PPM1M: variants seen among roughly 807,000 people sequenced by gnomAD.
PPM1M encodes the protein protein phosphatase 1M.
In PPM1M, 44 loss-of-function variants were observed where a neutral mutation model predicts 50.8. The observed-to-expected ratio is 0.87, with a 90% confidence interval of 0.68 to 1.11. The LOEUF (loss-of-function observed/expected upper bound fraction) is 1.11, where lower values mean the gene tolerates loss of function less well. Among genes scored for constraint, PPM1M ranks in the 50% most tolerant of loss-of-function variants. PPM1M has a pLI of 0.00. For missense variants in PPM1M, 556 were observed against 593.4 expected (o/e 0.94, Z 0.66); for synonymous variants, 224 against 242.9 (o/e 0.92, Z 0.72).
rs372806959 is a variant in PPM1M, at chr3:52,248,196, G to C, written c.754G>C (p.Glu252Gln). The C allele has an allele frequency of 1.2e-6, 2 of 1,613,338 alleles. No homozygotes were observed. Among genetic ancestry groups the C allele is most frequent in the African/African-American group, 1.3e-5 (1 of 74,892 alleles). Reference protein sequence around the residue: ...RRDEIRPLSFEFTPETERQRI... With the variant: ...RRDEIRPLSFQFTPETERQRI... Reference sequence around the variant, plus strand: ...AGATGAGATACGGCCACTGAGCTTCGAGTTCACCCCAGAGACTGAGCGGCA... The same window carrying C: ...AGATGAGATACGGCCACTGAGCTTCCAGTTCACCCCAGAGACTGAGCGGCA... Residue 252 changes from glutamate to glutamine, a missense_variant, in exon 5 of 10, where the codon GAG becomes CAG. Glu to Gln is a conservative substitution (Grantham distance 29). Coordinates refer to ENST00000323588, the MANE Select transcript of PPM1M (RefSeq NM_144641.4).
Position 52,247,694 on chromosome 3 carries a change from G to C in PPM1M, c.610G>C (p.Gly204Arg), listed in dbSNP as rs746343016. ...CGGTTTTCCCCAGGATGAGGTGATC[G>C]GGCGGGAGCTGGAGGCCTCAGGCCA... ...SAFQECDEVI[G>R]RELEASGQMG... Residue 204 changes from glycine (G) to arginine (R), a missense_variant, in exon 4 of 10, where the codon GGG becomes CGG. Gly to Arg is a moderately radical substitution (Grantham distance 125). Coordinates refer to ENST00000323588, the MANE Select transcript of PPM1M (RefSeq NM_144641.4). The C allele has an allele frequency of 6.2e-7, 1 of 1,600,518 alleles. No individual in the cohort carries two copies. Among genetic ancestry groups the C allele is most frequent in the Non-Finnish European group, 8.5e-7 (1 of 1,173,480 alleles).
intron 9 of PPM1M, 52 bp from the exon 10 acceptor site, chr3:52,249,618 C>A (rs769011179): frequency 3.1e-5 from 50 of 1,608,208 alleles, no homozygotes; most frequent in Non-Finnish European, 4.2e-5. Flanking sequence ...TAAGGTCTGG[C>A]CTTGCCCCTT....
rs1248345384 is a variant in PPM1M at position 52,247,771 on chromosome 3, C to T, written c.687C>T (p.Tyr229=). 6.4e-7 allele frequency: 1 copy of T among 1,554,706 alleles called. No individual in the cohort carries two copies. The highest frequency in any genetic ancestry group is 1.1e-5 in the South Asian group (1 of 88,496). Residue 229 remains tyrosine, a synonymous_variant, in exon 4 of 10, where the codon TAC becomes TAT. Coordinates refer to ENST00000323588, the MANE Select transcript of PPM1M (RefSeq NM_144641.4). ...LVAVSLQGKL[Y]MANAGDSRAI... is the part of the protein sequence containing the mutation. ...CTGTGTCCCTGCAGGGAAAGCTGTA[C>T]ATGGCCAATGCTGGGGATAGCAGGT...
At chr3:52,246,601 G>C in intron 1 of PPM1M, 94 bp from the exon 2 acceptor site, 1 of 748,754 alleles carries the variant, frequency 1.3e-6, no homozygotes, top group Non-Finnish European at 2.0e-6. Flanking sequence ...TTGCCCCAGA[G>C]GGAGGGGTCT....
Position 52,248,403 on chromosome 3 carries a change from G to A in PPM1M, c.864G>A (p.Gly288=), listed in dbSNP as rs748418034. ...TRLEFPRRLK[G]DDLGQKVLFR... ...TGGAGTTCCCTCGGCGGCTGAAGGG[G>A]GATGACTTGGGACAGAAGGTTTTGT... The change falls in exon 6 of 10, where the codon GGG becomes GGA. Residue 288 remains glycine, a synonymous_variant. Transcript: ENST00000323588. 13 of 1,613,830 alleles carry A rather than the reference G, an allele frequency of 8.1e-6. No individual in the cohort carries two copies. In the South Asian group the frequency reaches 1.2e-4, roughly 15 times the overall value.
Position 52,248,212 on chromosome 3 carries a change from C to CT in PPM1M, c.771dup (p.Glu258Ter). ...CTGAGCTTCGAGTTCACCCCAGAGACTGAGCGGCAGCGGATCCAGCAGCTG... is the reference window on the plus strand; with the variant it reads ...CTGAGCTTCGAGTTCACCCCAGAGACTTGAGCGGCAGCGGATCCAGCAGCTG... On this transcript the variant is annotated frameshift_variant, in exon 5 of 10. Coordinates refer to ENST00000323588, the MANE Select transcript of PPM1M (RefSeq NM_144641.4). LOFTEE classifies it high-confidence loss of function. 1.2e-6 allele frequency: 2 copies of CT among 1,613,568 alleles called. No individual in the cohort carries two copies. The highest frequency in any genetic ancestry group is 1.7e-6 in the Non-Finnish European group (2 of 1,179,718).
At position 52,245,799 on chromosome 3, in the gene PPM1M, C is replaced by T. The variant is rs1402238729; in HGVS notation, c.-26C>T. On this transcript the variant is annotated 5_prime_UTR_variant, in exon 1 of 10. Transcript: ENST00000323588. This position sits in a 1 kb window ranked among gnomAD's most constrained non-coding sequence, Gnocchi z 4.8. ...GGCCCAGCCCTAGCGCCCCGCGCTCCGCGGGCAGCCCCCTGCCGCCGCGCC... is the reference window on the plus strand; with the variant it reads ...GGCCCAGCCCTAGCGCCCCGCGCTCTGCGGGCAGCCCCCTGCCGCCGCGCC... 5 of 994,006 alleles carry T rather than the reference C, an allele frequency of 5.0e-6. No homozygotes were observed. The highest frequency in any genetic ancestry group is 5.1e-4 in the Middle Eastern group (1 of 1,964). 61.6% of individuals were successfully genotyped at this position (994,006 alleles called of 1,614,324 possible).
rs200280814 is a variant in PPM1M at position 52,248,720 on chromosome 3, C to G, written c.978+20C>G. The G allele has an allele frequency of 1.4e-5, 22 of 1,612,016 alleles. No homozygotes were observed. The Admixed American group carries it at 1.5e-4, about 11-fold the overall frequency. Reference sequence around the variant, plus strand: ...AGGCAGGTCAGTGCCTGGTCCTCCTCAACCCCAAGAATCCCTCTTCATTGT... The same window carrying G: ...AGGCAGGTCAGTGCCTGGTCCTCCTGAACCCCAAGAATCCCTCTTCATTGT... On this transcript the variant is annotated intron_variant, in intron 7 of 9. Coordinates refer to ENST00000323588, the MANE Select transcript of PPM1M (RefSeq NM_144641.4).
rs375591726 is a variant in PPM1M at position 52,248,470 on chromosome 3, G to T, written c.914+17G>T. 2.4e-5 allele frequency: 38 copies of T among 1,607,994 alleles called. No homozygotes were observed. The highest frequency in any genetic ancestry group is 3.0e-5 in the Non-Finnish European group (35 of 1,175,148). On this transcript the variant is annotated intron_variant, in intron 6 of 9. Transcript: ENST00000323588. Reference sequence around the variant, plus strand: ...GAGTGGCTGGTGAGTGGGGATGGGGGACAGGTAGGAAGGGAGACCCCTGGG... The same window carrying T: ...GAGTGGCTGGTGAGTGGGGATGGGGTACAGGTAGGAAGGGAGACCCCTGGG...
chr3:52,248,812 C>T (rs1281942544), intron 7 of PPM1M, 112 bp downstream of exon 7: 258 of 1,359,252 alleles, frequency 1.9e-4, no homozygotes, highest in Non-Finnish European at 2.2e-5. Flanking sequence ...GGGATTTGCT[C>T]TGAGACTAGG....
chr3:52,245,924 C>G lies in PPM1M; in HGVS notation c.100C>G (p.Pro34Ala), dbSNP rs1699847732. 2.4e-6 allele frequency: 3 copies of G among 1,238,674 alleles called. No individual in the cohort carries two copies. The highest frequency in any genetic ancestry group is 3.1e-6 in the Non-Finnish European group (3 of 965,832). 76.7% of individuals were successfully genotyped at this position (1,238,674 alleles called of 1,614,324 possible). A position where few individuals can be genotyped will look rare whatever the true frequency, so the allele number is the denominator to read the frequency against. The change falls in exon 1 of 10, where the codon CCC becomes GCC. Residue 34 changes from proline (P) to alanine (A), a missense_variant. Transcript: ENST00000323588. This position sits in a 1 kb window ranked among gnomAD's most constrained non-coding sequence, Gnocchi z 4.8. ...TGCCAGCCCCGTGCCCTACCGACGG[C>G]CCCGCTTCCTTCGCGGCTCCAGCTC... ...PHASPVPYRR[P>A]RFLRGSSSSP... is the part of the protein sequence containing the mutation.
At position 52,248,968 on chromosome 3, in the gene PPM1M, G is replaced by C; in HGVS notation, c.991G>C (p.Gly331Arg). ...CACTTTCCCTCAGGCTCGGTTACTAGGAACACTGGCTGTCTCCCGGGGCCT... is the reference window on the plus strand; with the variant it reads ...CACTTTCCCTCAGGCTCGGTTACTACGAACACTGGCTGTCTCCCGGGGCCT... ...HGQGRQARLLGTLAVSRGLGD... is the reference protein window; with the variant it reads ...HGQGRQARLLRTLAVSRGLGD... The change falls in exon 8 of 10, where the codon GGA becomes CGA. Residue 331 changes from glycine to arginine, a missense_variant. Physicochemically the swap from Gly to Arg is moderately radical, Grantham distance 125 (BLOSUM62 -2). Transcript: ENST00000323588. The C allele has an allele frequency of 6.2e-7, 1 of 1,606,730 alleles. No homozygotes were observed. The highest frequency in any genetic ancestry group is 8.5e-7 in the Non-Finnish European group (1 of 1,176,560).
chr3:52,248,266 T>G (rs1301132841), intron 5 of PPM1M, 29 bp downstream of exon 5: 1 of 1,608,874 alleles, frequency 6.2e-7, no homozygotes, highest in Non-Finnish European at 8.5e-7. Context: ...ATGGAGGCTG[T>G]GAAGCTCCAA....
Position 52,245,905 on chromosome 3 carries a change from C to A in PPM1M, c.81C>A (p.Ser27Arg), listed in dbSNP as rs752609952. ...CGCGGCCGCCTGGGCCGCATGCCAGCCCCGTGCCCTACCGACGGCCCCGCT... is the reference window on the plus strand; with the variant it reads ...CGCGGCCGCCTGGGCCGCATGCCAGACCCGTGCCCTACCGACGGCCCCGCT... ...PAPRPPGPHA[S>R]PVPYRRPRFL... The change falls in exon 1 of 10, where the codon AGC (serine) becomes AGA (arginine). Residue 27 changes from serine (S) to arginine (R), a missense_variant. By Grantham distance (110) the Ser-to-Arg change is moderately radical. Transcript: ENST00000323588. This position sits in a 1 kb window ranked among gnomAD's most constrained non-coding sequence, Gnocchi z 4.8. The A allele has an allele frequency of 2.5e-6, 3 of 1,220,376 alleles. No homozygotes were observed. Among genetic ancestry groups the A allele is most frequent in the South Asian group, 2.7e-5 (2 of 73,334 alleles). The allele number at this position is 1,220,376 out of a possible 1,614,324, so 75.6% of individuals were successfully genotyped here.
rs751499942 is a variant in PPM1M at position 52,247,113 on chromosome 3, C to T, written c.482C>T (p.Pro161Leu). 18 of 1,605,138 alleles carry T rather than the reference C, an allele frequency of 1.1e-5. No individual in the cohort carries two copies. In the Admixed American group the frequency reaches 3.1e-4, roughly 27 times the overall value. The stretch of plus-strand genomic sequence containing the variant: ...GAAGGCTTGGTGGCCACTCAGCCCC[C>T]CATGCACCTCAATGGCCGCTGCATC... ...VVEGLVATQP[P>L]MHLNGRCICP... The change falls in exon 3 of 10, where the codon CCC becomes CTC. Residue 161 changes from proline to leucine, a missense_variant. By Grantham distance (98) the Pro-to-Leu change is moderately conservative. Transcript: ENST00000323588.
chr3:52,249,067 AG>A lies in PPM1M; in HGVS notation c.1086+9del. ...CTTCTTGCTCTCTGTGCCACAGGTA[AG>A]GGGGCAACGCTGTCCAACCCAGCTT... On this transcript the variant is annotated splice_donor_5th_base_variant and intron_variant, in intron 8 of 9. Coordinates refer to ENST00000323588, the MANE Select transcript of PPM1M (RefSeq NM_144641.4). 6.2e-7 allele frequency: 1 copy of A among 1,608,826 alleles called. No homozygotes were observed. The highest frequency in any genetic ancestry group is 8.5e-7 in the Non-Finnish European group (1 of 1,177,434).
At position 52,245,832 on chromosome 3, in the gene PPM1M, C is replaced by T. The variant is rs765155179; in HGVS notation, c.8C>T (p.Ala3Val). The change falls in exon 1 of 10, where the codon GCC becomes GTC. Residue 3 changes from alanine to valine, a missense_variant. Physicochemically the swap from Ala to Val is moderately conservative, Grantham distance 64. Transcript: ENST00000323588. The surrounding 1 kb of genome is among the most constrained non-coding windows in gnomAD (Gnocchi z 4.8). MS[A>V]GWFRRRFLPG... ...GCCCCCTGCCGCCGCGCCATGTCCG[C>T]CGGCTGGTTCCGGCGCCGCTTCCTG... 3.8e-6 allele frequency: 4 copies of T among 1,051,222 alleles called. No individual in the cohort carries two copies. Among genetic ancestry groups the T allele is most frequent in the South Asian group, 5.8e-5 (2 of 34,624 alleles). The allele number at this position is 1,051,222 out of a possible 1,614,324, so 65.1% of individuals were successfully genotyped here.
intron 1 of PPM1M, 53 bp downstream of exon 1, chr3:52,246,101 G>T (rs1040365558): frequency 1.9e-6 from 2 of 1,038,242 alleles, no homozygotes; most frequent in Admixed American, 5.8e-5. Flanking sequence ...ACCCGCTTCG[G>T]GTCCTGCGCC....
intron 9 of PPM1M, 80 bp downstream of exon 9, chr3:52,249,402 A>G (rs1039721179): frequency 6.6e-7 from 1 of 1,514,876 alleles, no homozygotes; most frequent in African/African-American, 1.4e-5. Context: ...GAGAAGACAG[A>G]GCACTGACAA....
Sources: allele counts gnomAD v4.1 joint callset, GRCh38; gene constraint gnomAD v4.1.1; non-coding constraint Gnocchi (gnomAD v3.1); transcripts MANE v1.5; gene names NCBI Gene and HGNC (gene_info 2026-07-23, HGNC 2026-07-21).